Variants in FER observed in about 807,000 individuals in gnomAD.
FER encodes FER tyrosine kinase, also known as tyrosine-protein kinase Fer.
A neutral mutation model predicts 111.0 loss-of-function variants in FER; 63 were observed. The ratio of observed to expected loss-of-function variants is 0.57; its 90% CI spans 0.46 to 0.70. The LOEUF is 0.70. FER is among the 30% of genes least tolerant of loss of function. The pLI is 0.00. For missense variants in FER, 914 were observed against 954.0 expected (o/e 0.96, Z 0.55); for synonymous variants, 327 against 313.9 (o/e 1.04, Z -0.44).
At chr5:108,779,783 T>C (rs1753852284) in intron 2 of FER, among the ~76,000 whole-genome samples, 1 of 152,190 alleles carries the variant, frequency 6.6e-6, no homozygotes, top group African/African-American at 2.4e-5. Flanking sequence ...TTTAAAAATC[T>C]CCTTCTTATC....
At chr5:108,749,750 A>G (rs1487669531) in intron 1 of FER, among the ~76,000 whole-genome samples, 1 of 152,180 alleles carries the variant, frequency 6.6e-6, no homozygotes, top group African/African-American at 2.4e-5. Context: ...TCTCTTTGCC[A>G]GTTAGAATTG....
chr5:109,186,604 G>C (rs1398370898), intron 19 of FER, among the ~76,000 whole-genome samples: 3 of 152,114 alleles, frequency 2.0e-5, no homozygotes, highest in Non-Finnish European at 2.9e-5. Flanking sequence ...AAGAGAAATA[G>C]GGTGGTGTTT....
In FER at chr5:109,000,078, G is replaced by A. The variant is rs184494074; in HGVS notation, c.1657-37344G>A. ...TTTTCTGCATTGCTATGTGTTGGAC[G>A]CTGGCATAGTCTTTTAATGTATATA... is the stretch of plus-strand genomic sequence containing the variant. On this transcript the variant is annotated intron_variant, in intron 13 of 19. Coordinates refer to ENST00000281092, the MANE Select transcript of FER (RefSeq NM_005246.4). Among the ~76,000 whole-genome samples, 225 of 151,576 alleles carry A rather than the reference G, an allele frequency of 1.5e-3. 1 individual carries two copies. Among genetic ancestry groups the A allele is most frequent in the Admixed American group, 2.1e-3 (32 of 15,230 alleles).
At chr5:108,991,725 A>G (rs558123777) in intron 13 of FER, among the ~76,000 whole-genome samples, 58 of 152,118 alleles carry the variant, frequency 3.8e-4, no homozygotes, top group Admixed American at 1.2e-3. Context: ...AGCACTTGCT[A>G]TTTTACTCAG....
rs545312343 is a variant in FER at position 109,152,300 on chromosome 5, A to G, written c.2049-28447A>G. ...TTTTAAATCCCAAATCTTTGTTTTA[A>G]TCTACCAGACTCATCATATAGTTAT... On this transcript the variant is annotated intron_variant, in intron 17 of 19. Transcript: ENST00000281092. Among the ~76,000 whole-genome samples, 8 of 152,088 alleles carry G rather than the reference A, an allele frequency of 5.3e-5. No individual in the cohort carries two copies. In the East Asian group the frequency reaches 1.5e-3, roughly 29 times the overall value.
At chr5:109,179,193 T>C (rs77987527) in intron 17 of FER, among the ~76,000 whole-genome samples, 15,751 of 152,116 alleles carry the variant, frequency 0.1, 837 homozygotes, top group Middle Eastern at 0.17. Flanking sequence ...AAACACAAAA[T>C]TGAGAGGCAG....
intron 17 of FER, among the ~76,000 whole-genome samples, chr5:109,142,656 G>T (rs1753654075): frequency 6.6e-6 from 1 of 152,104 alleles, no homozygotes. Context: ...GGTATGGTTT[G>T]CAGGAACTCT....
chr5:108,862,318 GT>G (rs1466136273), intron 5 of FER, among the ~76,000 whole-genome samples: 4 of 152,100 alleles, frequency 2.6e-5, no homozygotes, highest in African/African-American at 9.7e-5. Flanking sequence ...CTTCTCTAAT[GT>G]TATCTTGGAG....
At chr5:108,868,400 A>G (rs1027206854) in intron 6 of FER, among the ~76,000 whole-genome samples, 3 of 152,044 alleles carry the variant, frequency 2.0e-5, no homozygotes, top group Non-Finnish European at 4.4e-5. Context: ...AAAGCACATT[A>G]TCTGATGCTT....
At chr5:108,823,206 CAAAT>C (rs1447763961) in intron 3 of FER, among the ~76,000 whole-genome samples, 3 of 152,128 alleles carry the variant, frequency 2.0e-5, no homozygotes, top group Admixed American at 1.3e-4. Context: ...TGGGGACAAA[CAAAT>C]AATATGCAAG....
intron 13 of FER, among the ~76,000 whole-genome samples, chr5:108,976,107 A>G (rs985536956): frequency 6.6e-6 from 1 of 152,186 alleles, no homozygotes; most frequent in African/African-American, 2.4e-5. Context: ...GAAAATATTT[A>G]GCATGCGACA....
chr5:109,018,635 GA>G (rs942001149), intron 13 of FER, among the ~76,000 whole-genome samples: 12 of 151,734 alleles, frequency 7.9e-5, no homozygotes, highest in African/African-American at 2.9e-4. Context: ...GGTTTGTGTA[GA>G]TGTTAATGGA....
In FER at chr5:108,867,859, G is replaced by T; in HGVS notation, c.574G>T (p.Ala192Ser). ...TCAGTATGTATTGGCGTTGAAAGGG[G>T]CACAGCTCCATCAGAATCAGTATTA... ...HNQYVLALKG[A>S]QLHQNQYYDI... is the part of the protein sequence containing the mutation. Residue 192 changes from alanine (A) to serine (S), a missense_variant, in exon 6 of 20, where the codon GCA becomes TCA. Around this residue, in one of 3 missense-constraint regions of FER, gnomAD observed 774 missense variants for 782.6 expected, o/e 0.99. Transcript: ENST00000281092. 2 of 1,613,002 alleles carry T rather than the reference G, an allele frequency of 1.2e-6. No homozygotes were observed. The highest frequency in any genetic ancestry group is 1.7e-6 in the Non-Finnish European group (2 of 1,179,448).
chr5:108,932,759 T>C (rs1754873094), intron 10 of FER, among the ~76,000 whole-genome samples: 1 of 151,710 alleles, frequency 6.6e-6, no homozygotes, highest in African/African-American at 2.4e-5. Context: ...TTGATTTGCA[T>C]TTCTCTAATG....
chr5:109,086,502 T>A (rs568816783), intron 16 of FER, among the ~76,000 whole-genome samples: 12 of 151,696 alleles, frequency 7.9e-5, no homozygotes, highest in Admixed American at 4.0e-4. Context: ...TAGCTTTTTT[T>A]TATAATTTGT....
intron 17 of FER, among the ~76,000 whole-genome samples, chr5:109,139,663 A>G (rs1000441249): frequency 6.6e-6 from 1 of 152,068 alleles, no homozygotes; most frequent in Non-Finnish European, 1.5e-5. Flanking sequence ...TGTAGTTACT[A>G]TATCCCCTGT....
At chr5:108,749,162 C>T (rs972824832) in intron 1 of FER, among the ~76,000 whole-genome samples, 6 of 152,060 alleles carry the variant, frequency 3.9e-5, no homozygotes, top group Admixed American at 3.9e-4. Flanking sequence ...GCTCTTCCTC[C>T]GCCCTCAGCC....
At chr5:108,888,932 A>G (rs1747595996) in intron 9 of FER, among the ~76,000 whole-genome samples, 1 of 151,910 alleles carries the variant, frequency 6.6e-6, no homozygotes, top group Non-Finnish European at 1.5e-5. Flanking sequence ...AATCAAAACC[A>G]GGAAATTTAC....
intron 10 of FER, among the ~76,000 whole-genome samples, chr5:108,920,389 C>T (rs1396533031): frequency 2.0e-5 from 3 of 152,080 alleles, no homozygotes; most frequent in Admixed American, 1.3e-4. Flanking sequence ...ATGAATAAGA[C>T]ATTTTTAATG....
Sources: allele counts gnomAD v4.1 joint callset (sites outside exome capture counted in the v4.1 genomes callset), GRCh38; gene constraint gnomAD v4.1.1; regional missense constraint gnomAD v4.1.1; transcripts MANE v1.5; gene names NCBI Gene and HGNC (gene_info 2026-07-23, HGNC 2026-07-21).